Variants in UTRN observed in about 807,000 individuals in gnomAD.
UTRN encodes the protein utrophin, also known as dystrophin-related protein 1.
A neutral mutation model predicts 463.9 loss-of-function variants in UTRN; 283 were observed. The ratio of observed to expected loss-of-function variants is 0.61; its 90% CI spans 0.55 to 0.67. UTRN has a LOEUF of 0.67. UTRN is among the 30% of genes least tolerant of loss of function. UTRN has a pLI of 0.00. For missense variants in UTRN, 3,922 were observed against 4,084.3 expected (o/e 0.96, Z 1.08); for synonymous variants, 1,442 against 1,431.5 (o/e 1.01, Z -0.17).
intron 2 of UTRN, among the ~76,000 whole-genome samples, chr6:144,300,079 T>A (rs1805093814): frequency 6.9e-6 from 1 of 145,236 alleles, no homozygotes; most frequent in African/African-American, 2.8e-5. Flanking sequence ...AGCCCAAAAG[T>A]CTTGTGATTT....
At chr6:144,382,554 G>C (rs1781030311) in intron 2 of UTRN, among the ~76,000 whole-genome samples, 1 of 152,144 alleles carries the variant, frequency 6.6e-6, no homozygotes. Context: ...TAACCATGTG[G>C]CTCTTGCCGC....
chr6:144,301,831 G>A (rs1415811635), intron 2 of UTRN, among the ~76,000 whole-genome samples: 3 of 151,990 alleles, frequency 2.0e-5, no homozygotes, highest in African/African-American at 7.2e-5. Context: ...ACTGCTCATG[G>A]CCACCATCCT....
At position 144,469,146 on chromosome 6, in the gene UTRN, C is replaced by G. The variant is rs772461094; in HGVS notation, c.3067-4574C>G. ...AAGCAGTAGCCATTTGAAACAGTTA[C>G]TTTGAAACAGTTACAGGATAGAACA... On this transcript the variant is annotated intron_variant, in intron 23 of 74. Coordinates refer to ENST00000367545, the MANE Select transcript of UTRN (RefSeq NM_007124.3). Among the ~76,000 whole-genome samples, 25 of 152,134 alleles carry G rather than the reference C, an allele frequency of 1.6e-4. 1 individual carries two copies. The highest frequency in any genetic ancestry group is 2.8e-4 in the Non-Finnish European group (19 of 68,018).
At chr6:144,749,524 T>C (rs1282719088) in intron 55 of UTRN, among the ~76,000 whole-genome samples, 7 of 152,200 alleles carry the variant, frequency 4.6e-5, no homozygotes, top group Non-Finnish European at 5.9e-5. Context: ...TATTCTGTTA[T>C]AGGAAAGTGC....
intron 51 of UTRN, among the ~76,000 whole-genome samples, chr6:144,660,606 C>CA (rs1481109436): frequency 6.6e-6 from 1 of 152,022 alleles, no homozygotes; most frequent in African/African-American, 2.4e-5. Context: ...AAAAATCCAG[C>CA]AAAAAACACT....
chr6:144,667,226 T>C (rs1425398091), intron 51 of UTRN, among the ~76,000 whole-genome samples: 1 of 152,084 alleles, frequency 6.6e-6, no homozygotes, highest in African/African-American at 2.4e-5. Flanking sequence ...AGCTAATTTT[T>C]TTCTATTTTT....
intron 51 of UTRN, among the ~76,000 whole-genome samples, chr6:144,577,573 G>A (rs1030422973): frequency 1.3e-5 from 2 of 152,086 alleles, no homozygotes; most frequent in African/African-American, 4.8e-5. Flanking sequence ...CCCTATTATG[G>A]TTAGCTTTAT....
intron 51 of UTRN, among the ~76,000 whole-genome samples, chr6:144,589,694 C>T (rs79331202): frequency 0.014 from 2,152 of 152,166 alleles, 57 homozygotes; most frequent in African/African-American, 0.049. Context: ...CACCTGCAGT[C>T]TCCTTTAAAA....
chr6:144,709,830 T>C (rs894868870), intron 53 of UTRN, among the ~76,000 whole-genome samples: 5 of 152,212 alleles, frequency 3.3e-5, no homozygotes, highest in African/African-American at 1.2e-4. Context: ...AACTCATATA[T>C]TCTGAGTCTT....
rs1217162470 is a variant in UTRN, at chr6:144,668,068, A to G, written c.7480-10338A>G. On this transcript the variant is annotated intron_variant, in intron 51 of 74. Coordinates refer to ENST00000367545, the MANE Select transcript of UTRN (RefSeq NM_007124.3). ...ATGGGTTTGCAAATTTGGACCATAAATCTTGCAGGAGCTGTCTATTAAACT... is the reference window on the plus strand; with the variant it reads ...ATGGGTTTGCAAATTTGGACCATAAGTCTTGCAGGAGCTGTCTATTAAACT... Among the ~76,000 whole-genome samples, 3 of 152,328 alleles carry G rather than the reference A, an allele frequency of 2.0e-5. No homozygotes were observed. The East Asian group carries it at 5.8e-4, about 29-fold the overall frequency.
Position 144,495,137 on chromosome 6 carries a change from A to G in UTRN, c.4593+1681A>G, listed in dbSNP as rs538354643. Among the ~76,000 whole-genome samples the G allele has an allele frequency of 6.7e-3, 1,015 of 152,226 alleles. 9 individuals carry two copies. The highest frequency in any genetic ancestry group is 0.023 in the African/African-American group (961 of 41,542). On this transcript the variant is annotated intron_variant, in intron 33 of 74. Transcript: ENST00000367545. ...AGGTGGAGCTGCCTTCCAGTCCCGCACCGTGGGCTTGCACTCCTCAGCCCT... is the reference window on the plus strand; with the variant it reads ...AGGTGGAGCTGCCTTCCAGTCCCGCGCCGTGGGCTTGCACTCCTCAGCCCT...
At chr6:144,554,918 GCA>G (rs778756177) in intron 49 of UTRN, 25 bp downstream of exon 49, 5 of 1,611,938 alleles carry the variant, frequency 3.1e-6, no homozygotes, top group Non-Finnish European at 4.2e-6. Context: ...ATATTTTTTG[GCA>G]GTATTGTTTT....
intron 33 of UTRN, among the ~76,000 whole-genome samples, chr6:144,494,740 C>T (rs1311674941): frequency 3.9e-5 from 6 of 152,118 alleles, no homozygotes; most frequent in African/African-American, 9.7e-5. Context: ...AAGGCCCCAC[C>T]AGAGTAGCTA....
intron 41 of UTRN, among the ~76,000 whole-genome samples, chr6:144,527,242 C>T (rs570942529): frequency 6.6e-6 from 1 of 152,294 alleles, no homozygotes; most frequent in South Asian, 2.1e-4. Flanking sequence ...ACTATCTTTC[C>T]TTCATTTATG....
chr6:144,636,082 T>C (rs973795376), intron 51 of UTRN, among the ~76,000 whole-genome samples: 5 of 152,174 alleles, frequency 3.3e-5, no homozygotes, highest in African/African-American at 1.2e-4. Context: ...TTTTAAGGTA[T>C]AGTATGTTGC....
At chr6:144,445,567 C>G (rs1053953709) in intron 14 of UTRN, among the ~76,000 whole-genome samples, 5 of 149,408 alleles carry the variant, frequency 3.3e-5, no homozygotes, top group African/African-American at 7.6e-5. Context: ...CTTCCCCCCC[C>G]GCCCTCAATC....
intron 2 of UTRN, among the ~76,000 whole-genome samples, chr6:144,354,685 C>T (rs1199066466): frequency 6.6e-6 from 1 of 152,126 alleles, no homozygotes; most frequent in Admixed American, 6.5e-5. Flanking sequence ...CCATTCACTC[C>T]TATGGTCGGT....
chr6:144,837,384 A>G (rs1412533795), intron 71 of UTRN: 3 of 152,252 alleles, frequency 2.0e-5, no homozygotes, highest in Non-Finnish European at 4.4e-5. Flanking sequence ...ACTGTAGGGA[A>G]TTAAGTGCTT....
chr6:144,548,547 T>C, intron 46 of UTRN, 93 bp from the exon 47 acceptor site: 1 of 1,223,658 alleles, frequency 8.2e-7, no homozygotes, highest in Non-Finnish European at 1.1e-6. Flanking sequence ...AAACTAAATT[T>C]TATTTAAATA....
Sources: allele counts gnomAD v4.1 joint callset (sites outside exome capture counted in the v4.1 genomes callset), GRCh38; gene constraint gnomAD v4.1.1; transcripts MANE v1.5; gene names NCBI Gene and HGNC (gene_info 2026-07-23, HGNC 2026-07-21).